The following ETV6 variants were observed in gnomAD, a reference collection of about 807,000 sequenced individuals.
ETV6 encodes the protein ETS variant transcription factor 6, also known as transcription factor ETV6.
ETV6 carries 16 observed loss-of-function variants against 51.1 expected under a neutral mutation model. That is an observed-to-expected ratio of 0.31 (90% CI 0.21 to 0.48). The LOEUF (loss-of-function observed/expected upper bound fraction) is 0.48. Ranked by LOEUF, ETV6 falls within the 20% of genes least tolerant of loss-of-function variation. The pLI is 0.99. For synonymous variants in ETV6, 240 were observed against 224.1 expected (o/e 1.07, Z -0.64); for missense variants, 458 against 594.8 (o/e 0.77, Z 2.39).
intron 1 of ETV6, among the ~76,000 whole-genome samples, chr12:11,734,946 C>G (rs1176263337): frequency 6.6e-6 from 1 of 152,130 alleles, no homozygotes; most frequent in Non-Finnish European, 1.5e-5. Context: ...TTTGTGATAA[C>G]AATATGAAAC....
At chr12:11,771,582 G>C (rs772884391) in intron 2 of ETV6, among the ~76,000 whole-genome samples, 9 of 152,136 alleles carry the variant, frequency 5.9e-5, no homozygotes. Context: ...TGGCGCCAAT[G>C]ACAACTCTAC....
At chr12:11,731,263 C>T (rs902227310) in intron 1 of ETV6, among the ~76,000 whole-genome samples, 1 of 152,152 alleles carries the variant, frequency 6.6e-6, no homozygotes, top group Non-Finnish European at 1.5e-5. Flanking sequence ...GCACCTAACA[C>T]AGTGTTTAAT....
In ETV6 at chr12:11,751,022, A is replaced by G. The variant is rs117214299; in HGVS notation, c.34-1428A>G. On this transcript the variant is annotated intron_variant, in intron 1 of 7. Coordinates refer to ENST00000396373, the MANE Select transcript of ETV6 (RefSeq NM_001987.5). ...CTGCCCTTCATTAAGAAATTCACCAAGAAACCTCAGGATGTATGTTTAAAC... is the reference window on the plus strand; with the variant it reads ...CTGCCCTTCATTAAGAAATTCACCAGGAAACCTCAGGATGTATGTTTAAAC... Among the ~76,000 whole-genome samples, 754 of 152,240 alleles carry G rather than the reference A, an allele frequency of 5.0e-3. 5 individuals carry two copies. The highest frequency in any genetic ancestry group is 8.4e-3 in the Non-Finnish European group (574 of 68,006).
chr12:11,724,318 T>C (rs534730512), intron 1 of ETV6, among the ~76,000 whole-genome samples: 1 of 152,192 alleles, frequency 6.6e-6, no homozygotes, highest in East Asian at 1.9e-4. Context: ...AGGAGTATGG[T>C]TTGGGAGAAA....
intron 2 of ETV6, among the ~76,000 whole-genome samples, chr12:11,807,671 T>C (rs1163008740): frequency 6.6e-6 from 1 of 152,220 alleles, no homozygotes; most frequent in Non-Finnish European, 1.5e-5. Flanking sequence ...GGCAGCAACA[T>C]GTCCTATTTA....
intron 2 of ETV6, among the ~76,000 whole-genome samples, chr12:11,823,521 C>T (rs188816650): frequency 2.0e-5 from 3 of 146,640 alleles, no homozygotes; most frequent in East Asian, 2.0e-4. Flanking sequence ...GGCTGGAGTG[C>T]GGTGGTACGA....
chr12:11,673,954 A>G (rs765709474), intron 1 of ETV6, among the ~76,000 whole-genome samples: 4 of 152,186 alleles, frequency 2.6e-5, no homozygotes, highest in Non-Finnish European at 5.9e-5. Context: ...TGAAGCAAGT[A>G]AAGTTTTTAT....
intron 1 of ETV6, among the ~76,000 whole-genome samples, chr12:11,700,977 G>T (rs1864969360): frequency 6.6e-6 from 1 of 151,948 alleles, no homozygotes. Context: ...AACTTCCATT[G>T]TAAGGCCTTG....
rs188313965 is a variant in ETV6 at position 11,841,884 on chromosome 12, C to T, written c.328+2580C>T. Among the ~76,000 whole-genome samples the T allele has an allele frequency of 8.5e-3, 1,295 of 152,090 alleles. 5 individuals carry two copies. Among genetic ancestry groups the T allele is most frequent in the Non-Finnish European group, 0.014 (954 of 67,960 alleles). On this transcript the variant is annotated intron_variant, in intron 3 of 7. Coordinates refer to ENST00000396373, the MANE Select transcript of ETV6 (RefSeq NM_001987.5). ...GATCACGAGGTCAGGAGATCGAGAC[C>T]ATCCCGGCTAAAACGGTGAAACCCC... is the stretch of plus-strand genomic sequence containing the variant.
At chr12:11,874,597 TATGTGTATGTGC>T (rs1946943007) in intron 5 of ETV6, among the ~76,000 whole-genome samples, 1 of 14,172 alleles carries the variant, frequency 7.1e-5, no homozygotes, top group African/African-American at 9.1e-5. Context: ...TATACACATA[TATGTGTATGTGC>T]GTGTGTACAC....
intron 1 of ETV6, among the ~76,000 whole-genome samples, chr12:11,724,471 C>A (rs1865451567): frequency 1.3e-5 from 2 of 152,196 alleles, no homozygotes; most frequent in South Asian, 4.1e-4. Flanking sequence ...CTCATTGTTT[C>A]TCTTTGCTTG....
chr12:11,882,930 A>T (rs762181038), intron 5 of ETV6, among the ~76,000 whole-genome samples: 1 of 152,268 alleles, frequency 6.6e-6, no homozygotes, highest in African/African-American at 2.4e-5. Context: ...AGGAGTCCAG[A>T]GTGCAAATCC....
chr12:11,655,666 TA>T lies in ETV6; in HGVS notation c.33+5507del, dbSNP rs1863986796. On this transcript the variant is annotated intron_variant, in intron 1 of 7. Transcript: ENST00000396373. ...AACTGTTCCTTTAGTGTCAAAATATTACCACACATTTTATTTGCTCTGTTAA... is the reference window on the plus strand; with the variant it reads ...AACTGTTCCTTTAGTGTCAAAATATTCCACACATTTTATTTGCTCTGTTAA... Among the ~76,000 whole-genome samples the T allele has an allele frequency of 5.3e-5, 8 of 152,350 alleles. No individual in the cohort carries two copies. In the South Asian group the frequency reaches 1.7e-3, roughly 32 times the overall value.
rs1327076161 is a variant in ETV6 at position 11,893,340 on chromosome 12, C to CA, written c.*2295dup. 1 of 213,596 alleles carries CA rather than the reference C, an allele frequency of 4.7e-6. No individual in the cohort carries two copies. Among genetic ancestry groups the CA allele is most frequent in the East Asian group, 6.4e-5 (1 of 15,718 alleles). The allele number at this position is 213,596 out of a possible 1,614,324, so 13.2% of individuals were successfully genotyped here. A position where few individuals can be genotyped will look rare whatever the true frequency, so the allele number is the denominator to read the frequency against. The stretch of plus-strand genomic sequence containing the variant: ...GCCTCTTCACCCAAGTGCAAGAACT[C>CA]AGTCTCTTACTGTTCAAAGAATCTT... On this transcript the variant is annotated 3_prime_UTR_variant, in exon 8 of 8. Coordinates refer to ENST00000396373, the MANE Select transcript of ETV6 (RefSeq NM_001987.5).
intron 5 of ETV6, among the ~76,000 whole-genome samples, chr12:11,876,920 C>T (rs1466609948): frequency 6.6e-6 from 1 of 152,188 alleles, no homozygotes; most frequent in Non-Finnish European, 1.5e-5. Flanking sequence ...TCCTTGGAAT[C>T]TTTAAAGGTA....
At chr12:11,763,184 A>C (rs908742144) in intron 2 of ETV6, among the ~76,000 whole-genome samples, 1 of 152,128 alleles carries the variant, frequency 6.6e-6, no homozygotes, top group Non-Finnish European at 1.5e-5. Flanking sequence ...CAGCTCCCAC[A>C]CTGACTCCTT....
chr12:11,752,370 C>T, intron 1 of ETV6, 80 bp from the exon 2 acceptor site: 1 of 1,512,256 alleles, frequency 6.6e-7, no homozygotes, highest in East Asian at 2.3e-5. Flanking sequence ...TGCTCCCCAC[C>T]CCGAGATGGT....
intron 1 of ETV6, among the ~76,000 whole-genome samples, chr12:11,745,859 C>T (rs1865897865): frequency 6.6e-6 from 1 of 152,190 alleles, no homozygotes; most frequent in East Asian, 1.9e-4. Flanking sequence ...AGATTTCTAG[C>T]CACGGCCAAG....
At chr12:11,877,671 C>T (rs776993319) in intron 5 of ETV6, among the ~76,000 whole-genome samples, 10 of 152,108 alleles carry the variant, frequency 6.6e-5, no homozygotes, top group Non-Finnish European at 1.3e-4. Context: ...CAGATGGCCC[C>T]GAACAGTCCT....
Sources: allele counts gnomAD v4.1 joint callset (sites outside exome capture counted in the v4.1 genomes callset), GRCh38; gene constraint gnomAD v4.1.1; transcripts MANE v1.5; gene names NCBI Gene and HGNC (gene_info 2026-07-23, HGNC 2026-07-21).